Variants in ZBTB38 observed in about 807,000 individuals in gnomAD.
ZBTB38 encodes the protein zinc finger and BTB domain-containing protein 38.
Under a neutral mutation model 76.8 loss-of-function variants are expected in ZBTB38, and 20 were observed. The ratio of observed to expected loss-of-function variants is 0.26; its 90% CI spans 0.18 to 0.38. The LOEUF is 0.38. Ranked by LOEUF, ZBTB38 falls within the 10% of genes least tolerant of loss-of-function variation. The pLI is 1.00. For synonymous variants in ZBTB38, 504 were observed against 544.2 expected (o/e 0.93, Z 1.03); for missense variants, 1,082 against 1,482.3 (o/e 0.73, Z 4.43).
chr3:141,444,678 G>GT lies in ZBTB38; in HGVS notation c.2291dup (p.Arg766Ter). 1 of 1,614,056 alleles carries GT rather than the reference G, an allele frequency of 6.2e-7. No individual in the cohort carries two copies. The highest frequency in any genetic ancestry group is 8.5e-7 in the Non-Finnish European group (1 of 1,180,006). ...TGACAGTAAGCCCGAGCCAGATAAA[G>GT]TGGGTAGGTTTGCAAGCAGACCCAA... On this transcript the variant is annotated frameshift_variant, in exon 6 of 6. Transcript: ENST00000321464. LOFTEE classifies it high-confidence loss of function. This position sits in a 1 kb window ranked among gnomAD's most constrained non-coding sequence, Gnocchi z 5.1.
chr3:141,422,363 T>C (rs773555633), intron 5 of ZBTB38, among the ~76,000 whole-genome samples: 1 of 152,196 alleles, frequency 6.6e-6, no homozygotes, highest in East Asian at 1.9e-4. Context: ...CTGGCACTTA[T>C]TGCCTCTCAG....
intron 1 of ZBTB38, among the ~76,000 whole-genome samples, chr3:141,357,628 C>T (rs1040970369): frequency 4.6e-5 from 7 of 152,132 alleles, no homozygotes; most frequent in Non-Finnish European, 1.5e-5. Context: ...CTCCGGGGTT[C>T]AAGCGATTCT....
intron 5 of ZBTB38, among the ~76,000 whole-genome samples, chr3:141,439,015 T>C (rs2079490532): frequency 6.6e-6 from 1 of 152,022 alleles, no homozygotes; most frequent in Non-Finnish European, 1.5e-5. Context: ...ACAGCATCCT[T>C]CCTATACCCC....
chr3:141,432,251 T>C (rs1336810325), intron 5 of ZBTB38: 15 of 985,370 alleles, frequency 1.5e-5, no homozygotes, highest in Non-Finnish European at 1.7e-5. Flanking sequence ...CAGGTCAGTA[T>C]CCTAATACAG....
Position 141,445,702 on chromosome 3 carries a change from A to C in ZBTB38, c.3314A>C (p.Tyr1105Ser). Residue 1105 changes from tyrosine to serine, a missense_variant, in exon 6 of 6, where the codon TAT becomes TCT. By Grantham distance (144) the Tyr-to-Ser change is moderately radical. This residue lies in a region of ZBTB38 where 69 missense variants were observed against 148.2 expected (regional missense o/e 0.47). Coordinates refer to ENST00000321464, the MANE Select transcript of ZBTB38 (RefSeq NM_001376113.1). This position sits in a 1 kb window ranked among gnomAD's most constrained non-coding sequence, Gnocchi z 6.5. ...HCQFCFQRFL[Y>S]LSTKRNHEQR... ...CAGTTCTGCTTTCAGAGATTTTTGT[A>C]TCTCTCCACCAAAAGGAATCACGAG... 1 of 1,614,218 alleles carries C rather than the reference A, an allele frequency of 6.2e-7. No individual in the cohort carries two copies. The highest frequency in any genetic ancestry group is 8.5e-7 in the Non-Finnish European group (1 of 1,180,044).
upstream of ZBTB38, among the ~76,000 whole-genome samples, chr3:141,365,953 C>T (rs184759339): frequency 5.4e-4 from 82 of 152,226 alleles, 1 homozygote; most frequent in African/African-American, 1.9e-3. Context: ...CAAGTATAGA[C>T]AAGTCTTCCA....
In ZBTB38 at chr3:141,445,555, A is replaced by G. The variant is rs1251520407; in HGVS notation, c.3167A>G (p.His1056Arg). Residue 1056 changes from histidine (H) to arginine (R), a missense_variant, in exon 6 of 6, where the codon CAT (histidine) becomes CGT (arginine). By Grantham distance (29) the His-to-Arg change is conservative (BLOSUM62 0). Around this residue, in one of 8 missense-constraint regions of ZBTB38, gnomAD observed 69 missense variants for 148.2 expected, o/e 0.47. Transcript: ENST00000321464. This position sits in a 1 kb window ranked among gnomAD's most constrained non-coding sequence, Gnocchi z 6.5. ...TCGGTGCAAGGAAACTTACAGAAAC[A>G]TGAACGCATCCACCTGGGCTTGAAG... ...CFSVQGNLQKHERIHLGLKEF... is the reference protein window; with the variant it reads ...CFSVQGNLQKRERIHLGLKEF... 6.2e-7 allele frequency: 1 copy of G among 1,614,240 alleles called. No individual in the cohort carries two copies.
chr3:141,369,013 A>C (rs1259132504), intron 1 of ZBTB38, among the ~76,000 whole-genome samples: 2 of 150,950 alleles, frequency 1.3e-5, no homozygotes, highest in Non-Finnish European at 3.0e-5. Context: ...AAAAAAAAAA[A>C]CAATACTAAG....
At chr3:141,406,232 A>G (rs969503481) in intron 5 of ZBTB38, among the ~76,000 whole-genome samples, 1 of 152,198 alleles carries the variant, frequency 6.6e-6, no homozygotes, top group Admixed American at 6.5e-5. Context: ...GTGCTTCAGG[A>G]CCAGGCTCTT....
rs2081299601 is a variant in ZBTB38, at chr3:141,448,943, T to G, written c.*2967T>G. ...GTTTTGGATAGGCCTGATCTTATAA[T>G]GATAAATCAGAGAATGAAATGCTCT... On this transcript the variant is annotated 3_prime_UTR_variant, in exon 6 of 6. Transcript: ENST00000321464. 6.6e-6 allele frequency: 1 copy of G among 152,254 alleles called. No individual in the cohort carries two copies. Among genetic ancestry groups the G allele is most frequent in the Non-Finnish European group, 1.5e-5 (1 of 68,044 alleles). 9.4% of individuals were successfully genotyped at this position (152,254 alleles called of 1,614,324 possible). A position where few individuals can be genotyped will look rare whatever the true frequency, so the allele number is the denominator to read the frequency against.
intron 4 of ZBTB38, among the ~76,000 whole-genome samples, chr3:141,399,467 T>A (rs1951208427): frequency 6.6e-6 from 1 of 152,158 alleles, no homozygotes; most frequent in Non-Finnish European, 1.5e-5. Context: ...ACAAGTAGCC[T>A]TTCAAGAATG....
intron 1 of ZBTB38, among the ~76,000 whole-genome samples, chr3:141,350,861 C>T (rs1286356906): frequency 6.6e-6 from 1 of 152,160 alleles, no homozygotes. Flanking sequence ...CTCTCACTCT[C>T]TTAAAATGAA....
At chr3:141,399,920 T>C (rs1951367296) in intron 4 of ZBTB38, among the ~76,000 whole-genome samples, 1 of 150,710 alleles carries the variant, frequency 6.6e-6, no homozygotes, top group Non-Finnish European at 1.5e-5. Flanking sequence ...GGAAGCATAT[T>C]GTGGGAATAG....
intron 1 of ZBTB38, among the ~76,000 whole-genome samples, chr3:141,331,445 C>T (rs1309707829): frequency 1.3e-5 from 2 of 152,190 alleles, no homozygotes; most frequent in Non-Finnish European, 2.9e-5. Context: ...CTTACACTGT[C>T]GTCCCCATGG....
At chr3:141,357,041 T>A (rs1019785219) in intron 1 of ZBTB38, among the ~76,000 whole-genome samples, 1 of 152,336 alleles carries the variant, frequency 6.6e-6, no homozygotes, top group African/African-American at 2.4e-5. Flanking sequence ...CAATTTGTTT[T>A]CTCATTACTA....
At position 141,443,897 on chromosome 3, in the gene ZBTB38, G is replaced by A; in HGVS notation, c.1509G>A (p.Arg503=). The change falls in exon 6 of 6, where the codon AGG becomes AGA. Residue 503 remains arginine, a synonymous_variant. Transcript: ENST00000321464. The surrounding 1 kb of genome is among the most constrained non-coding windows in gnomAD (Gnocchi z 5.6). ...AAGTATTTGCATTGGCTGAGTACAG[G>A]ACAAGGCATGAAATTTGGCATACGG... ...CNKVFALAEY[R]TRHEIWHTGE... is the part of the protein sequence containing the mutation. The A allele has an allele frequency of 6.2e-7, 1 of 1,614,074 alleles. No individual in the cohort carries two copies.
At chr3:141,411,875 T>C (rs910803698) in intron 5 of ZBTB38, among the ~76,000 whole-genome samples, 1 of 152,248 alleles carries the variant, frequency 6.6e-6, no homozygotes, top group Non-Finnish European at 1.5e-5. Context: ...TTTAGTATTG[T>C]CAATATTTGT....
intron 1 of ZBTB38, among the ~76,000 whole-genome samples, chr3:141,332,595 G>A (rs1297688357): frequency 6.6e-6 from 1 of 152,110 alleles, no homozygotes; most frequent in African/African-American, 2.4e-5. Flanking sequence ...AATATGTAAT[G>A]GGTGCTCCAT....
intron 1 of ZBTB38, among the ~76,000 whole-genome samples, chr3:141,337,271 A>G (rs72986540): frequency 0.24 from 37,186 of 152,180 alleles, 8,037 homozygotes; most frequent in African/African-American, 0.57. Flanking sequence ...AGGTCTTTCC[A>G]TGTCCAAACA....
Sources: allele counts gnomAD v4.1 joint callset (sites outside exome capture counted in the v4.1 genomes callset), GRCh38; gene constraint gnomAD v4.1.1; regional missense constraint gnomAD v4.1.1; non-coding constraint Gnocchi (gnomAD v3.1); transcripts MANE v1.5; gene names NCBI Gene and HGNC (gene_info 2026-07-23, HGNC 2026-07-21).